The following CHM variants were observed in gnomAD, a reference collection of about 807,000 sequenced individuals.
CHM encodes the protein CHM Rab escort protein.
In CHM, 10 loss-of-function variants were observed where a neutral mutation model predicts 49.0. The ratio of observed to expected loss-of-function variants is 0.20; its 90% CI spans 0.13 to 0.35. The LOEUF (loss-of-function observed/expected upper bound fraction) is 0.35. Ranked by LOEUF, CHM falls within the 10% of genes least tolerant of loss-of-function variation. The probability of loss-of-function intolerance (pLI) is 1.00; values close to 1 mark genes in which losing one functional copy is unlikely to be tolerated. For synonymous variants in CHM, 184 were observed against 167.5 expected (o/e 1.10, Z -0.76); for missense variants, 455 against 478.4 (o/e 0.95, Z 0.46).
rs867369623 is a variant in CHM, at chrX:85,913,352, G to A, written c.1167-2014C>T. 1.6e-4 allele frequency among the ~76,000 whole-genome samples: 10 copies of A among 60,974 alleles called. 1 individual carries two copies. The highest frequency in any genetic ancestry group is 3.6e-4 in the Admixed American group (2 of 5,597). The allele number at this position is 60,974 out of a possible 115,157, so 52.9% of individuals were successfully genotyped here. A position where few individuals can be genotyped will look rare whatever the true frequency, so the allele number is the denominator to read the frequency against. On this transcript the variant is annotated intron_variant, in intron 8 of 14. Transcript: ENST00000357749. ...AAAAAAAAAGAAAGAAAGAAAGAAA[G>A]AAAGAAAGAAAGAAAGAAAGAAAGA...
chrX:85,990,232 G>A (rs773208747), intron 2 of CHM, among the ~76,000 whole-genome samples: 11 of 112,121 alleles, frequency 9.8e-5, no homozygotes, highest in Admixed American at 1.9e-4. Flanking sequence ...GCAAACTAAC[G>A]CAGGAACAGA....
intron 14 of CHM, among the ~76,000 whole-genome samples, chrX:85,871,271 C>A (rs1924045220): frequency 1.1e-5 from 1 of 88,311 alleles, no homozygotes; most frequent in South Asian, 6.2e-4. Context: ...TGCGCCACTG[C>A]ACTCCAGCCT....
chrX:85,895,923 T>C (rs552755143), intron 11 of CHM, among the ~76,000 whole-genome samples: 2 of 101,509 alleles, frequency 2.0e-5, no homozygotes, highest in African/African-American at 7.1e-5. Flanking sequence ...GACTATCACC[T>C]TTTTTTTTTT....
At chrX:85,951,266 G>C (rs1929733801) in intron 8 of CHM, among the ~76,000 whole-genome samples, 2 of 111,296 alleles carry the variant, frequency 1.8e-5, no homozygotes, top group Non-Finnish European at 3.8e-5. Context: ...AGATAATAAA[G>C]AGCAGAAAAT....
At chrX:86,023,755 G>A (rs891110225) in intron 2 of CHM, among the ~76,000 whole-genome samples, 4 of 110,758 alleles carry the variant, frequency 3.6e-5, no homozygotes, top group Non-Finnish European at 5.7e-5. Context: ...CTCTAACAAC[G>A]GCTATTTATC....
intron 8 of CHM, 73 bp from the exon 9 acceptor site, chrX:85,911,411 G>A (rs1927021669): frequency 4.2e-6 from 2 of 475,451 alleles, no homozygotes; most frequent in Admixed American, 5.9e-5. Flanking sequence ...TTTCTTTTAA[G>A]TATTTTACAC....
intron 4 of CHM, among the ~76,000 whole-genome samples, chrX:85,974,507 G>T (rs1319361137): frequency 9.0e-6 from 1 of 111,595 alleles, no homozygotes; most frequent in Non-Finnish European, 1.9e-5. Context: ...CATAGCTTCA[G>T]TAATAAAGAT....
chrX:86,028,887 T>C lies in CHM; in HGVS notation c.50-1330A>G, dbSNP rs17325361. 2.6e-3 allele frequency among the ~76,000 whole-genome samples: 296 copies of C among 111,771 alleles called. 5 individuals are homozygous for C. In the East Asian group the frequency reaches 0.069, roughly 26 times the overall value. On this transcript the variant is annotated intron_variant, in intron 1 of 14. Transcript: ENST00000357749. ...CAGCACCAGTCTTTTGGCAAGGGTT[T>C]AAACTACACACTAAGCATCAAGGAT...
intron 2 of CHM, among the ~76,000 whole-genome samples, chrX:85,992,016 T>A (rs1034006436): frequency 1.8e-5 from 2 of 111,409 alleles, no homozygotes; most frequent in Admixed American, 9.6e-5. Flanking sequence ...AAACCCAGAT[T>A]TAAGACCAGG....
chrX:86,038,856 A>G (rs1027599600), intron 1 of CHM, among the ~76,000 whole-genome samples: 3 of 112,405 alleles, frequency 2.7e-5, no homozygotes, highest in Non-Finnish European at 3.8e-5. Flanking sequence ...GTCAACAATG[A>G]TAACTCTCCA....
rs2147665632 is a variant in CHM at position 85,957,853 on chromosome X, A to G, written c.940+2T>C. On this transcript the variant is annotated splice_donor_variant, in intron 7 of 14. Transcript: ENST00000357749. LOFTEE classifies it high-confidence loss of function. ...GAGAGCACTACTTAATGAAAAAAAT[A>G]CCTTTATATTCATCAGGATATTTCT... 1 of 1,201,835 alleles carries G rather than the reference A, an allele frequency of 8.3e-7. No homozygotes were observed. Among genetic ancestry groups the G allele is most frequent in the Non-Finnish European group, 1.1e-6 (1 of 889,694 alleles).
rs1569229302 is a variant in CHM, at chrX:85,964,064, TATA to T, written c.315-15_315-13del. On this transcript the variant is annotated splice_polypyrimidine_tract_variant and intron_variant, in intron 4 of 14. Transcript: ENST00000357749. ...CATGCAAATCCTGACTAATAAGAAA[TATA>T]ATAATAAACACCAGGCTTTATATAT... is the stretch of plus-strand genomic sequence containing the variant. 1.7e-6 allele frequency: 2 copies of T among 1,198,971 alleles called. No individual in the cohort carries two copies. Among genetic ancestry groups the T allele is most frequent in the Middle Eastern group, 2.3e-4 (1 of 4,298 alleles).
At position 85,963,887 on chromosome X, in the gene CHM, G is replaced by A; in HGVS notation, c.480C>T (p.Ser160=). ...CTTCTAGCGCATTCTCTGGATCGCT[G>A]CTTGGAGTTTGTTCTGTGAGCATTT... ...SCEMLTEQTP[S]SDPENALEVN... The change falls in exon 5 of 15, where the codon AGC becomes AGT. Residue 160 remains serine (S), a synonymous_variant. Transcript: ENST00000357749. 2 of 1,210,675 alleles carry A rather than the reference G, an allele frequency of 1.7e-6. No individual in the cohort carries two copies. Among genetic ancestry groups the A allele is most frequent in the East Asian group, 5.9e-5 (2 of 33,813 alleles).
intron 8 of CHM, among the ~76,000 whole-genome samples, chrX:85,948,312 G>A (rs1312037167): frequency 8.9e-6 from 1 of 111,977 alleles, no homozygotes; most frequent in African/African-American, 3.2e-5. Flanking sequence ...CCTGTGCAAT[G>A]TGCCAGAAAA....
At chrX:85,997,952 A>G (rs1336966086) in intron 2 of CHM, among the ~76,000 whole-genome samples, 1 of 110,285 alleles carries the variant, frequency 9.1e-6, no homozygotes, top group Non-Finnish European at 1.9e-5. Context: ...TCCGTCTAAA[A>G]AAAAAAGTGA....
intron 1 of CHM, among the ~76,000 whole-genome samples, chrX:86,035,610 T>A (rs989010581): frequency 9.0e-6 from 1 of 110,516 alleles, no homozygotes; most frequent in African/African-American, 3.3e-5. Context: ...ATGTAAGTGT[T>A]AAGCACATGT....
intron 5 of CHM, among the ~76,000 whole-genome samples, chrX:85,960,458 C>T (rs972787771): frequency 6.4e-5 from 7 of 109,789 alleles, no homozygotes; most frequent in African/African-American, 2.3e-4. Context: ...CAGAGTCTCT[C>T]TGCTGCTCAG....
chrX:86,039,510 C>CAAAAAAA (rs769393073), intron 1 of CHM, among the ~76,000 whole-genome samples: 3 of 40,191 alleles, frequency 7.5e-5, no homozygotes, highest in African/African-American at 9.3e-5. Flanking sequence ...TGGCCTAGAC[C>CAAAAAAA]AAAAAAAAAA....
chrX:85,938,745 T>C (rs1928935967), intron 8 of CHM, among the ~76,000 whole-genome samples: 1 of 110,625 alleles, frequency 9.0e-6, no homozygotes, highest in Non-Finnish European at 1.9e-5. Flanking sequence ...TGCATATCAG[T>C]TTAAGGCCTC....
Sources: allele counts gnomAD v4.1 joint callset (sites outside exome capture counted in the v4.1 genomes callset), GRCh38; gene constraint gnomAD v4.1.1; transcripts MANE v1.5; gene names NCBI Gene and HGNC (gene_info 2026-07-23, HGNC 2026-07-21).